GRIP1: variants seen among roughly 807,000 people sequenced by gnomAD.
GRIP1 encodes the protein glutamate receptor interacting protein 1, also known as glutamate receptor-interacting protein 1.
Under a neutral mutation model 129.9 loss-of-function variants are expected in GRIP1, and 45 were observed. The observed-to-expected ratio is 0.35, with a 90% CI of 0.27 to 0.44. The LOEUF (loss-of-function observed/expected upper bound fraction) is 0.44, where lower values mean the gene tolerates loss of function less well. Ranked by LOEUF, GRIP1 falls within the 20% of genes least tolerant of loss-of-function variation. GRIP1 has a pLI of 1.00. For missense variants in GRIP1, 1,196 were observed against 1,396.8 expected (o/e 0.86, Z 2.29); for synonymous variants, 530 against 520.8 (o/e 1.02, Z -0.24).
intron 7 of GRIP1, among the ~76,000 whole-genome samples, chr12:66,486,870 A>T (rs574086109): frequency 2.0e-5 from 3 of 151,922 alleles, no homozygotes; most frequent in Non-Finnish European, 4.4e-5. Context: ...AGCTCACTGC[A>T]GCCTCGAACT....
intron 1 of GRIP1, among the ~76,000 whole-genome samples, chr12:66,770,977 C>A (rs2037799284): frequency 6.6e-6 from 1 of 152,128 alleles, no homozygotes; most frequent in African/African-American, 2.4e-5. Context: ...CCTGTAATCC[C>A]AGCTACTCGG....
chr12:66,980,481 C>T (rs2042227260), intron 1 of GRIP1, among the ~76,000 whole-genome samples: 1 of 152,110 alleles, frequency 6.6e-6, no homozygotes, highest in African/African-American at 2.4e-5. Context: ...CGTGGTGGCA[C>T]ACGTCTGTAG....
intron 2 of GRIP1, chr12:66,564,174 C>T (rs538680384): frequency 4.6e-5 from 7 of 152,566 alleles, no homozygotes; most frequent in African/African-American, 1.4e-4. Flanking sequence ...ATGTGCACAA[C>T]GTGCAGGTTT....
intron 2 of GRIP1, among the ~76,000 whole-genome samples, chr12:66,544,980 A>G (rs374495460): frequency 1.3e-5 from 2 of 152,160 alleles, no homozygotes; most frequent in Non-Finnish European, 2.9e-5. Context: ...GGGCAAGTCA[A>G]TATGTACTGA....
At chr12:66,649,525 G>A (rs2032633008) in intron 1 of GRIP1, among the ~76,000 whole-genome samples, 2 of 152,214 alleles carry the variant, frequency 1.3e-5, no homozygotes, top group South Asian at 4.1e-4. Flanking sequence ...GGGATACAAA[G>A]ATGGGCTAGG....
At chr12:66,826,994 T>C (rs1428955099) in intron 1 of GRIP1, among the ~76,000 whole-genome samples, 2 of 152,226 alleles carry the variant, frequency 1.3e-5, no homozygotes, top group Non-Finnish European at 2.9e-5. Flanking sequence ...GCCTAATGTC[T>C]AAGATTTCTC....
chr12:67,032,995 T>C (rs994573049), intron 1 of GRIP1, among the ~76,000 whole-genome samples: 13 of 152,234 alleles, frequency 8.5e-5, no homozygotes, highest in African/African-American at 2.2e-4. Flanking sequence ...ATGTGCATTT[T>C]ATATGTACAG....
chr12:66,373,955 T>G (rs1334232990), intron 22 of GRIP1, among the ~76,000 whole-genome samples: 3 of 152,194 alleles, frequency 2.0e-5, no homozygotes, highest in Non-Finnish European at 2.9e-5. Flanking sequence ...GAACTCTTTT[T>G]CTTGACTGCT....
At chr12:67,057,394 G>A (rs2043455402) in intron 1 of GRIP1, among the ~76,000 whole-genome samples, 1 of 146,314 alleles carries the variant, frequency 6.8e-6, no homozygotes, top group Non-Finnish European at 1.5e-5. Context: ...AGCCCTCCAG[G>A]AACCTGGCAC....
chr12:66,654,157 A>T (rs1325453773), intron 1 of GRIP1, among the ~76,000 whole-genome samples: 2 of 152,218 alleles, frequency 1.3e-5, no homozygotes, highest in African/African-American at 4.8e-5. Flanking sequence ...TAGGAATAGA[A>T]TCCCTAGCAG....
chr12:66,738,761 G>A (rs967724165), intron 1 of GRIP1, among the ~76,000 whole-genome samples: 1 of 152,128 alleles, frequency 6.6e-6, no homozygotes, highest in African/African-American at 2.4e-5. Flanking sequence ...GGAAATGGGT[G>A]GGCATAAGAG....
chr12:66,784,284 C>T (rs568523597), intron 1 of GRIP1, among the ~76,000 whole-genome samples: 10 of 152,220 alleles, frequency 6.6e-5, no homozygotes, highest in Admixed American at 3.9e-4. Flanking sequence ...CCTGCTTTCC[C>T]AACAAACACA....
chr12:66,769,322 C>T (rs2037744779), intron 1 of GRIP1, among the ~76,000 whole-genome samples: 1 of 151,788 alleles, frequency 6.6e-6, no homozygotes, highest in Non-Finnish European at 1.5e-5. Flanking sequence ...CTGAGGCCCA[C>T]TCAAGGTGAG....
At chr12:66,441,626 T>C (rs1360473172) in intron 13 of GRIP1, among the ~76,000 whole-genome samples, 1 of 152,204 alleles carries the variant, frequency 6.6e-6, no homozygotes, top group African/African-American at 2.4e-5. Flanking sequence ...TCTTTGAGGA[T>C]ATGGATCCTT....
At chr12:66,533,864 C>T (rs1419895605) in intron 4 of GRIP1, among the ~76,000 whole-genome samples, 1 of 96,750 alleles carries the variant, frequency 1.0e-5, no homozygotes, top group Non-Finnish European at 2.2e-5. Context: ...CACACACACT[C>T]ACACACACAC....
chr12:66,528,462 T>C (rs2061338286), intron 5 of GRIP1, among the ~76,000 whole-genome samples: 1 of 152,122 alleles, frequency 6.6e-6, no homozygotes, highest in Admixed American at 6.6e-5. Flanking sequence ...TATGATAAGT[T>C]GGAGTCACCT....
intron 1 of GRIP1, among the ~76,000 whole-genome samples, chr12:66,979,622 C>T (rs998882850): frequency 3.3e-5 from 5 of 152,092 alleles, no homozygotes; most frequent in Middle Eastern, 3.2e-3. Flanking sequence ...CCCAGAAAGA[C>T]GCATACCTGT....
chr12:66,351,328 C>T (rs1029358276), intron 24 of GRIP1, among the ~76,000 whole-genome samples: 1 of 152,146 alleles, frequency 6.6e-6, no homozygotes, highest in Admixed American at 6.5e-5. Context: ...ATGCTCTTCC[C>T]AAAAACTGTA....
chr12:66,377,869 A>G (rs2055886562), intron 20 of GRIP1, among the ~76,000 whole-genome samples: 1 of 152,086 alleles, frequency 6.6e-6, no homozygotes, highest in Admixed American at 6.6e-5. Context: ...CTGCAGCCAC[A>G]TGGCCCTGTT....
Sources: allele counts gnomAD v4.1 joint callset (sites outside exome capture counted in the v4.1 genomes callset), GRCh38; gene constraint gnomAD v4.1.1; transcripts MANE v1.5; gene names NCBI Gene and HGNC (gene_info 2026-07-23, HGNC 2026-07-21).